The following NCALD variants were observed in gnomAD, a reference collection of about 807,000 sequenced individuals.
NCALD encodes neurocalcin-delta.
In NCALD, 10 loss-of-function variants were observed where a neutral mutation model predicts 18.6. The observed-to-expected ratio is 0.54, with a 90% CI of 0.33 to 0.91. The LOEUF (loss-of-function observed/expected upper bound fraction) is 0.91, where lower values mean the gene tolerates loss of function less well. Ranked by LOEUF, NCALD falls within the 40% of genes least tolerant of loss-of-function variation. The pLI is 0.03. For synonymous variants in NCALD, 88 were observed against 87.4 expected (o/e 1.01, Z -0.04); for missense variants, 184 against 247.6 (o/e 0.74, Z 1.72).
intron 2 of NCALD, among the ~76,000 whole-genome samples, chr8:101,924,082 C>G (rs1007981119): frequency 2.0e-5 from 3 of 152,150 alleles, no homozygotes; most frequent in Non-Finnish European, 4.4e-5. Flanking sequence ...AACTTCTTTC[C>G]CCATCCATTG....
Position 101,692,853 on chromosome 8 carries a change from T to A in NCALD, c.422A>T (p.Asp141Val). The A allele has an allele frequency of 6.2e-7, 1 of 1,614,004 alleles. No homozygotes were observed. Among genetic ancestry groups the A allele is most frequent in the Non-Finnish European group, 8.5e-7 (1 of 1,179,910 alleles). The change falls in exon 3 of 4, where the codon GAT becomes GTT. Residue 141 changes from aspartate to valine, a missense_variant. Coordinates refer to ENST00000220931, the MANE Select transcript of NCALD (RefSeq NM_032041.3). ...TGTTCTTTTCTCTGGGGTTGACTCATCTTCAGGCATTTTCATTACAGAGGA... is the reference window on the plus strand; with the variant it reads ...TGTTCTTTTCTCTGGGGTTGACTCAACTTCAGGCATTTTCATTACAGAGGA... ...MVSSVMKMPE[D>V]ESTPEKRTEK...
intron 4 of NCALD, among the ~76,000 whole-genome samples, chr8:101,855,225 G>A (rs1815259195): frequency 6.6e-6 from 1 of 152,144 alleles, no homozygotes; most frequent in Non-Finnish European, 1.5e-5. Flanking sequence ...ACACTTAGGA[G>A]GATAATACCC....
chr8:101,974,609 A>G (rs1375543329), intron 2 of NCALD, among the ~76,000 whole-genome samples: 1 of 152,256 alleles, frequency 6.6e-6, no homozygotes, highest in African/African-American at 2.4e-5. Context: ...CTTAAAAAAT[A>G]TATAATAGCC....
intron 1 of NCALD, among the ~76,000 whole-genome samples, chr8:101,719,991 A>G (rs939012770): frequency 1.3e-5 from 2 of 152,206 alleles, no homozygotes; most frequent in South Asian, 2.1e-4. Context: ...TTTGACATCA[A>G]TTTGCCAGAG....
At chr8:102,037,034 T>C (rs183144511) in intron 1 of NCALD, among the ~76,000 whole-genome samples, 1 of 152,300 alleles carries the variant, frequency 6.6e-6, no homozygotes, top group Non-Finnish European at 1.5e-5. Context: ...TAATCTGTAA[T>C]AATAAAAATT....
intron 1 of NCALD, chr8:102,123,751 G>T (rs7003553): frequency 0.12 from 18,971 of 152,054 alleles, 1,280 homozygotes; most frequent in Middle Eastern, 0.18. Context: ...CCCACGCCCC[G>T]CACTCGCCTC....
At chr8:101,954,558 T>C (rs1819551004) in intron 2 of NCALD, among the ~76,000 whole-genome samples, 1 of 152,192 alleles carries the variant, frequency 6.6e-6, no homozygotes, top group Non-Finnish European at 1.5e-5. Context: ...AAAGGATGAC[T>C]GCATTGTTCT....
rs1814776154 is a variant in NCALD, at chr8:101,844,335, T to TC, written c.-20+42805dup. Among the ~76,000 whole-genome samples the TC allele has an allele frequency of 2.6e-5, 4 of 151,780 alleles. No homozygotes were observed. In the South Asian group the frequency reaches 8.3e-4, roughly 32 times the overall value. On this transcript the variant is annotated intron_variant, in intron 4 of 6. Coordinates refer to the NCALD transcript ENST00000311028. ...CTGAATTGTCAATATCATGTGCTTCTCATCTGAAATGCAACTCTAAATTCT... is the reference window on the plus strand; with the variant it reads ...CTGAATTGTCAATATCATGTGCTTCTCCATCTGAAATGCAACTCTAAATTCT...
chr8:101,998,099 G>T (rs752039760), intron 2 of NCALD, among the ~76,000 whole-genome samples: 5 of 152,010 alleles, frequency 3.3e-5, no homozygotes, highest in African/African-American at 1.2e-4. Flanking sequence ...TCAAATGCAG[G>T]CTCCACATTC....
At chr8:101,849,439 GA>G in intron 4 of NCALD, among the ~76,000 whole-genome samples, 1 of 152,250 alleles carries the variant, frequency 6.6e-6, no homozygotes, top group Non-Finnish European at 1.5e-5. Flanking sequence ...TTATTTATAA[GA>G]TAAAAATTAC....
intron 2 of NCALD, chr8:101,694,113 C>T (rs1167975074): frequency 1.3e-5 from 2 of 152,140 alleles, no homozygotes; most frequent in Admixed American, 1.3e-4. Context: ...TTGTTTTTAT[C>T]CCCAGATCAT....
At chr8:101,844,245 A>C (rs1391642741) in intron 4 of NCALD, among the ~76,000 whole-genome samples, 2 of 152,190 alleles carry the variant, frequency 1.3e-5, no homozygotes, top group Non-Finnish European at 2.9e-5. Flanking sequence ...CTTTCCCTTG[A>C]GTTCCGATGA....
At chr8:102,035,967 G>A (rs539179718) in intron 1 of NCALD, among the ~76,000 whole-genome samples, 1 of 152,048 alleles carries the variant, frequency 6.6e-6, no homozygotes, top group Non-Finnish European at 1.5e-5. Flanking sequence ...GAAGAACACA[G>A]AGACTGTGAC....
At chr8:102,114,280 C>G (rs73281504) in intron 1 of NCALD, among the ~76,000 whole-genome samples, 3 of 152,232 alleles carry the variant, frequency 2.0e-5, no homozygotes, top group Non-Finnish European at 4.4e-5. Flanking sequence ...AGCAGAGTCA[C>G]GTGTTATCAC....
intron 1 of NCALD, among the ~76,000 whole-genome samples, chr8:102,102,431 C>T (rs1587085937): frequency 6.6e-6 from 1 of 152,336 alleles, no homozygotes; most frequent in African/African-American, 2.4e-5. Flanking sequence ...TGCTGGGGGT[C>T]CCCTTGTTAT....
intron 2 of NCALD, among the ~76,000 whole-genome samples, chr8:101,716,773 A>C (rs899333785): frequency 3.3e-5 from 5 of 152,180 alleles, no homozygotes; most frequent in Non-Finnish European, 7.3e-5. Context: ...AATTCCCCTA[A>C]ATTATTCACA....
intron 1 of NCALD, among the ~76,000 whole-genome samples, chr8:102,084,943 GAAA>G: frequency 6.6e-6 from 1 of 152,168 alleles, no homozygotes; most frequent in Non-Finnish European, 1.5e-5. Context: ...GAAGTTCTGG[GAAA>G]ATGAGTAAAA....
In NCALD at chr8:101,705,730, C is replaced by G. The variant is rs115928584; in HGVS notation, c.379-12834G>C. On this transcript the variant is annotated intron_variant, in intron 2 of 3. Coordinates refer to ENST00000220931, the MANE Select transcript of NCALD (RefSeq NM_032041.3). ...TGCCATGTGAGGAGTCTGGCCACCC[C>G]AAAGCCACCATGGAGGAGAGAGACT... Among the ~76,000 whole-genome samples the G allele has an allele frequency of 6.6e-3, 998 of 152,112 alleles. 12 individuals carry two copies. Among genetic ancestry groups the G allele is most frequent in the African/African-American group, 0.022 (900 of 41,478 alleles).
At chr8:101,949,260 A>T (rs1236139772) in intron 2 of NCALD, among the ~76,000 whole-genome samples, 4 of 152,166 alleles carry the variant, frequency 2.6e-5, no homozygotes, top group Admixed American at 2.0e-4. Flanking sequence ...AGAGATCAAG[A>T]AAACTACCCA....
Sources: allele counts gnomAD v4.1 joint callset (sites outside exome capture counted in the v4.1 genomes callset), GRCh38; gene constraint gnomAD v4.1.1; transcripts MANE v1.5; gene names NCBI Gene and HGNC (gene_info 2026-07-23, HGNC 2026-07-21).